The following BIRC6 variants were observed in gnomAD, a reference collection of about 807,000 sequenced individuals.
BIRC6 encodes baculoviral IAP repeat containing 6, also known as dual E2 ubiquitin-conjugating enzyme/E3 ubiquitin-protein ligase BIRC6.
BIRC6 carries 98 observed loss-of-function variants against 503.3 expected under a neutral mutation model. The observed-to-expected ratio is 0.19, with a 90% CI of 0.17 to 0.23. The LOEUF (loss-of-function observed/expected upper bound fraction) is 0.23, where lower values mean the gene tolerates loss of function less well. Among genes scored for constraint, BIRC6 ranks in the 10% least tolerant of loss-of-function variants. BIRC6 has a pLI of 1.00. For synonymous variants in BIRC6, 2,240 were observed against 2,078.7 expected, an observed-to-expected ratio of 1.08 and a Z score of -2.11; for missense variants, 5,360 against 5,806.0, an observed-to-expected ratio of 0.92 and a Z score of 2.50.
At chr2:32,607,267 A>G (rs2062538995) in intron 71 of BIRC6, among the ~76,000 whole-genome samples, 188 bp from the exon 72 acceptor site, 1 of 152,102 alleles carries the variant, frequency 6.6e-6, no homozygotes, top group Non-Finnish European at 1.5e-5. Context: ...TTATGGCTCT[A>G]TTGTGCCTAA....
intron 49 of BIRC6, among the ~76,000 whole-genome samples, chr2:32,503,572 C>A (rs1179618051): frequency 6.6e-6 from 1 of 151,956 alleles, no homozygotes; most frequent in Non-Finnish European, 1.5e-5. Context: ...CAGGCACCTG[C>A]CACCACGCCT....
Position 32,485,822 on chromosome 2 carries a change from G to A in BIRC6, c.7813+63G>A, listed in dbSNP as rs534956643. 2.0e-5 allele frequency: 22 copies of A among 1,125,064 alleles called. No individual in the cohort carries two copies. In the Middle Eastern group the frequency reaches 1.0e-3, roughly 52 times the overall value. The allele number at this position is 1,125,064 out of a possible 1,614,324, so 69.7% of individuals were successfully genotyped here. ...TGATTCAGCTCTTCATCATTTTCAG[G>A]TGGATTCATCAAGGACAGATTTTTA... On this transcript the variant is annotated intron_variant, in intron 40 of 73. Transcript: ENST00000421745.
In BIRC6 at chr2:32,541,547, C is replaced by G. The variant is rs754607233; in HGVS notation, c.12292-1694C>G. On this transcript the variant is annotated intron_variant, in intron 61 of 73. Coordinates refer to ENST00000421745, the MANE Select transcript of BIRC6 (RefSeq NM_016252.4). ...TCACCCCACAGAGTTACCTATCAGT[C>G]TACTAAAGTCATACAGGAAGCTTAG... Among the ~76,000 whole-genome samples, 107 of 152,044 alleles carry G rather than the reference C, an allele frequency of 7.0e-4. 1 individual carries two copies. Among genetic ancestry groups the G allele is most frequent in the Admixed American group, 2.6e-4 (4 of 15,270 alleles).
In BIRC6 at chr2:32,416,870, C is replaced by T. The variant is rs571691807; in HGVS notation, c.2872+707C>T. Among the ~76,000 whole-genome samples, 869 of 137,176 alleles carry T rather than the reference C, an allele frequency of 6.3e-3. 11 individuals are homozygous for T. The highest frequency in any genetic ancestry group is 0.023 in the African/African-American group (838 of 37,126). 90.0% of individuals were successfully genotyped at this position (137,176 alleles called of 152,430 possible). ...TTTATTTTTGAGAGGAAGTTTCATT[C>T]TTGTTGCCCAAGCTGAAGTGCAGTG... is the stretch of plus-strand genomic sequence containing the variant. On this transcript the variant is annotated intron_variant, in intron 10 of 73. Transcript: ENST00000421745.
chr2:32,497,344 C>G (rs1245227999), intron 45 of BIRC6, among the ~76,000 whole-genome samples: 1 of 152,210 alleles, frequency 6.6e-6, no homozygotes, highest in Admixed American at 6.5e-5. Flanking sequence ...AATGTGCATT[C>G]TCAAGGTAGA....
At chr2:32,602,034 AAT>A (rs528225575) in intron 70 of BIRC6, among the ~76,000 whole-genome samples, 14 of 152,244 alleles carry the variant, frequency 9.2e-5, no homozygotes, top group Non-Finnish European at 2.1e-4. Context: ...TTTTATTAAA[AAT>A]AGTTATTTTA....
intron 6 of BIRC6, among the ~76,000 whole-genome samples, chr2:32,400,639 C>T (rs115211458): frequency 0.03 from 4,542 of 152,132 alleles, 130 homozygotes; most frequent in African/African-American, 0.081. Context: ...ACCCGGCTGC[C>T]TTCAGATCTT....
intron 66 of BIRC6, among the ~76,000 whole-genome samples, chr2:32,588,287 C>T (rs908532607): frequency 2.6e-5 from 4 of 151,992 alleles, no homozygotes; most frequent in African/African-American, 4.8e-5. Context: ...ACCTGGAAGG[C>T]GGAGGTTGCA....
At chr2:32,514,874 A>G (rs1318345942) in intron 54 of BIRC6, 116 bp from the exon 55 acceptor site, 1 of 741,770 alleles carries the variant, frequency 1.3e-6, no homozygotes, top group Admixed American at 2.9e-5. Context: ...TTTATTATTC[A>G]ATGTCAAATA....
At chr2:32,483,121 T>C (rs1558856764) in intron 39 of BIRC6, among the ~76,000 whole-genome samples, 1 of 152,104 alleles carries the variant, frequency 6.6e-6, no homozygotes, top group Non-Finnish European at 1.5e-5. Context: ...TTCACCATGT[T>C]GGCCAGGCTG....
intron 70 of BIRC6, among the ~76,000 whole-genome samples, chr2:32,602,127 G>C (rs1364030934): frequency 6.6e-6 from 1 of 152,158 alleles, no homozygotes; most frequent in Admixed American, 6.5e-5. Context: ...ATCTCGAAGA[G>C]ATATTTGCAC....
chr2:32,535,525 A>G (rs886897607), intron 61 of BIRC6, among the ~76,000 whole-genome samples: 11 of 152,092 alleles, frequency 7.2e-5, no homozygotes, highest in African/African-American at 1.9e-4. Context: ...TCATTGTTCA[A>G]TTCCCACCTA....
At chr2:32,368,521 C>A (rs1395967708) in intron 1 of BIRC6, among the ~76,000 whole-genome samples, 3 of 151,994 alleles carry the variant, frequency 2.0e-5, no homozygotes, top group African/African-American at 7.3e-5. Flanking sequence ...GCCTAGGTGA[C>A]ATAGCGAGAC....
intron 23 of BIRC6, among the ~76,000 whole-genome samples, chr2:32,460,245 G>GATATATATATATATATATATGT (rs2047699075): frequency 3.2e-5 from 1 of 30,976 alleles, no homozygotes; most frequent in African/African-American, 1.2e-4. Flanking sequence ...TCTCGTATAT[G>GATATATATATATATATATATGT]ATATATATAT....
intron 57 of BIRC6, among the ~76,000 whole-genome samples, chr2:32,521,450 TTCTC>T (rs1216836731): frequency 6.6e-6 from 1 of 150,378 alleles, no homozygotes; most frequent in African/African-American, 2.4e-5. Context: ...CTATTATTTT[TTCTC>T]TCTCTCTGTT....
chr2:32,547,469 C>G (rs184935729), intron 63 of BIRC6, among the ~76,000 whole-genome samples: 1 of 152,176 alleles, frequency 6.6e-6, no homozygotes, highest in East Asian at 1.9e-4. Flanking sequence ...ATGTGTTGTT[C>G]CTTGCGTCTG....
intron 61 of BIRC6, among the ~76,000 whole-genome samples, chr2:32,534,671 C>T (rs1285743770): frequency 7.8e-6 from 1 of 127,722 alleles, no homozygotes; most frequent in Non-Finnish European, 1.5e-5. Context: ...GCAGAGGCTG[C>T]AGTTAACCAA....
chr2:32,444,756 CA>C (rs564415069), intron 20 of BIRC6, among the ~76,000 whole-genome samples: 1 of 151,492 alleles, frequency 6.6e-6, no homozygotes, highest in Non-Finnish European at 1.5e-5. Context: ...TTGTGTTAAA[CA>C]AAAAAAATGC....
intron 53 of BIRC6, 45 bp downstream of exon 53, chr2:32,510,679 A>G (rs1558931592): frequency 1.6e-6 from 2 of 1,228,190 alleles, no homozygotes; most frequent in East Asian, 2.3e-5. Flanking sequence ...CATGCACATA[A>G]TCATGCTATA....
Sources: allele counts gnomAD v4.1 joint callset (sites outside exome capture counted in the v4.1 genomes callset), GRCh38; gene constraint gnomAD v4.1.1; transcripts MANE v1.5; gene names NCBI Gene and HGNC (gene_info 2026-07-23, HGNC 2026-07-21).